Variants in DAB2IP observed in about 807,000 individuals in gnomAD.
The protein encoded by DAB2IP is DAB2 interacting protein, also known as disabled homolog 2-interacting protein.
In DAB2IP, 28 loss-of-function variants were observed where a neutral mutation model predicts 107.2. That is an observed-to-expected ratio of 0.26 (90% CI 0.19 to 0.36). The LOEUF (loss-of-function observed/expected upper bound fraction) is 0.36, where lower values mean the gene tolerates loss of function less well. DAB2IP is among the 10% of genes least tolerant of loss of function. The pLI is 1.00. For synonymous variants in DAB2IP, 755 were observed against 706.4 expected, an observed-to-expected ratio of 1.07 and a Z score of -1.09; for missense variants, 1,400 against 1,644.7, an observed-to-expected ratio of 0.85 and a Z score of 2.57.
upstream of DAB2IP, among the ~76,000 whole-genome samples, chr9:121,647,834 CAT>C (rs1027384790): frequency 1.0e-4 from 15 of 148,424 alleles, no homozygotes; most frequent in East Asian, 2.9e-3. Context: ...CATACATATA[CAT>C]ATATATTATA....
At chr9:121,751,980 C>T (rs1293741646) in intron 3 of DAB2IP, 2 of 985,444 alleles carry the variant, frequency 2.0e-6, no homozygotes, top group Non-Finnish European at 2.4e-6. Flanking sequence ...CCATGGAGGA[C>T]AGGTAAAGGG....
intron 3 of DAB2IP, among the ~76,000 whole-genome samples, chr9:121,749,416 C>T (rs572448228): frequency 6.1e-4 from 93 of 152,342 alleles, no homozygotes; most frequent in African/African-American, 2.2e-3. Context: ...ATGTTCTGAC[C>T]TGATGAGGCC....
intron 1 of DAB2IP, among the ~76,000 whole-genome samples, chr9:121,642,029 CTCTTTCTTTCTTTCTT>C (rs1156645580): frequency 3.7e-5 from 1 of 26,718 alleles, no homozygotes; most frequent in Non-Finnish European, 7.4e-5. Flanking sequence ...CTCTCTCTCT[CTCTTTCTTTCTTTCTT>C]TCTTTCTTTC....
chr9:121,568,906 C>G (rs1829867855), intron 1 of DAB2IP, among the ~76,000 whole-genome samples: 1 of 152,172 alleles, frequency 6.6e-6, no homozygotes. Flanking sequence ...TGGAAAGGCC[C>G]CATGCACAAT....
intron 3 of DAB2IP, among the ~76,000 whole-genome samples, chr9:121,713,319 G>A (rs1320141036): frequency 1.3e-5 from 2 of 152,136 alleles, no homozygotes; most frequent in Non-Finnish European, 2.9e-5. Flanking sequence ...CTTAGGACCT[G>A]TTGCTCTGAC....
intron 1 of DAB2IP, among the ~76,000 whole-genome samples, chr9:121,637,892 G>A (rs1832146072): frequency 6.6e-6 from 1 of 152,184 alleles, no homozygotes; most frequent in Admixed American, 6.5e-5. Flanking sequence ...GGGTGGGGGC[G>A]GAAGGCATTT....
In DAB2IP at chr9:121,688,279, C is replaced by T. The variant is rs560769358; in HGVS notation, c.228+9498C>T. On this transcript the variant is annotated intron_variant, in intron 2 of 15. Transcript: ENST00000408936. ...CAAGCGGCAATTGTTGTTTCCAAAG[C>T]CAGGAGGCCCTCTGTGGAGGTGGCA... 5.3e-4 allele frequency among the ~76,000 whole-genome samples: 80 copies of T among 152,344 alleles called. 2 individuals carry two copies. The South Asian group carries it at 0.016, about 30-fold the overall frequency.
At chr9:121,742,711 T>G in intron 3 of DAB2IP, 6 of 985,498 alleles carry the variant, frequency 6.1e-6, no homozygotes, top group Non-Finnish European at 6.0e-6. Context: ...CTGCCTTGGT[T>G]CCCTGCACCT....
At chr9:121,735,937 GCAGCTCACA>G (rs1270328387) in intron 3 of DAB2IP, among the ~76,000 whole-genome samples, 1 of 152,202 alleles carries the variant, frequency 6.6e-6, no homozygotes, top group East Asian at 1.9e-4. Flanking sequence ...GGGAACCTGG[GCAGCTCACA>G]CAGCTCACCA....
intron 1 of DAB2IP, among the ~76,000 whole-genome samples, chr9:121,645,811 G>T (rs959638191): frequency 6.6e-6 from 1 of 152,214 alleles, no homozygotes; most frequent in African/African-American, 2.4e-5. Flanking sequence ...GTACGAGGGA[G>T]ACGTGCATGT....
intron 1 of DAB2IP, among the ~76,000 whole-genome samples, chr9:121,602,420 G>T (rs10818570): frequency 0.34 from 52,095 of 151,870 alleles, 9,199 homozygotes; most frequent in South Asian, 0.44. Flanking sequence ...TGGAGACAGG[G>T]TCTCACTCTG....
chr9:121,749,482 G>A (rs1020493370), intron 3 of DAB2IP, among the ~76,000 whole-genome samples: 7 of 152,230 alleles, frequency 4.6e-5, no homozygotes, highest in Non-Finnish European at 7.3e-5. Context: ...CAGCCTTTGG[G>A]TGGGCACCAA....
chr9:121,703,928 A>G (rs1218704513), intron 3 of DAB2IP, among the ~76,000 whole-genome samples: 1 of 152,212 alleles, frequency 6.6e-6, no homozygotes, highest in Non-Finnish European at 1.5e-5. Flanking sequence ...CTTAAGAAAC[A>G]GCCATTATTA....
At chr9:121,674,876 G>GGTGT (rs369953526) in intron 1 of DAB2IP, among the ~76,000 whole-genome samples, 1,857 of 150,272 alleles carry the variant, frequency 0.012, 31 homozygotes, top group African/African-American at 0.043. Context: ...TGGCCAGGGT[G>GGTGT]GTGTGTGTGT....
intron 2 of DAB2IP, among the ~76,000 whole-genome samples, chr9:121,680,234 A>G (rs1389948139): frequency 6.6e-6 from 1 of 152,186 alleles, no homozygotes; most frequent in Non-Finnish European, 1.5e-5. Flanking sequence ...GGCCAAAGGG[A>G]TGGGGCTTTC....
At chr9:121,628,040 G>A (rs2119010365) in intron 1 of DAB2IP, among the ~76,000 whole-genome samples, 2 of 152,336 alleles carry the variant, frequency 1.3e-5, no homozygotes, top group East Asian at 1.9e-4. Context: ...TATTAGGAAA[G>A]TGGTCATTGC....
Position 121,651,981 on chromosome 9 carries a change from G to T in DAB2IP, c.124+82G>T, listed in dbSNP as rs919761048. 46 of 1,169,242 alleles carry T rather than the reference G, an allele frequency of 3.9e-5. No individual in the cohort carries two copies. The highest frequency in any genetic ancestry group is 4.7e-5 in the Non-Finnish European group (44 of 927,694). 72.4% of individuals were successfully genotyped at this position (1,169,242 alleles called of 1,614,324 possible). A position where few individuals can be genotyped will look rare whatever the true frequency, so the allele number is the denominator to read the frequency against. Reference sequence around the variant, plus strand: ...GATGCCCTGGGATGCTAGGGACCGGGATCCTCCTTCCAGCCATTTGCCGGG... The same window carrying T: ...GATGCCCTGGGATGCTAGGGACCGGTATCCTCCTTCCAGCCATTTGCCGGG... On this transcript the variant is annotated intron_variant, in intron 1 of 15. Coordinates refer to ENST00000408936, the Ensembl canonical transcript of DAB2IP. The surrounding 1 kb of genome is among the most constrained non-coding windows in gnomAD (Gnocchi z 5.1).
intron 1 of DAB2IP, among the ~76,000 whole-genome samples, chr9:121,613,966 T>C (rs1831178675): frequency 6.6e-6 from 1 of 152,204 alleles, no homozygotes; most frequent in African/African-American, 2.4e-5. Flanking sequence ...CTCATGGCTC[T>C]AGGGTGGAGA....
chr9:121,766,527 C>G lies in DAB2IP; in HGVS notation c.1494C>G (p.Ala498=). The G allele has an allele frequency of 1.9e-6, 3 of 1,610,820 alleles. No individual in the cohort carries two copies. The South Asian group carries it at 3.3e-5, about 18-fold the overall frequency. Residue 498 remains alanine (A), a synonymous_variant, in exon 9 of 16, where the codon GCC becomes GCG. Coordinates refer to ENST00000408936, the Ensembl canonical transcript of DAB2IP. Reference sequence around the variant, plus strand: ...CACGGGAGTTGAAAGAGGTGTTTGCCTCGTGGAGGCAGGAGTGCAGCAGTC... The same window carrying G: ...CACGGGAGTTGAAAGAGGTGTTTGCGTCGTGGAGGCAGGAGTGCAGCAGTC...
Sources: gnomAD v4.1 joint callset for allele counts (sites outside exome capture counted in the v4.1 genomes callset) on GRCh38, gnomAD v4.1.1 for gene constraint, Gnocchi (gnomAD v3.1) non-coding constraint, MANE v1.5 for transcripts, NCBI Gene and HGNC (gene_info 2026-07-23, HGNC 2026-07-21) for gene names.